Variants in FBF1 observed in about 807,000 individuals in gnomAD.
FBF1 encodes the protein Fas binding factor 1, also known as fas-binding factor 1.
A neutral mutation model predicts 147.2 loss-of-function variants in FBF1; 119 were observed. That is an observed-to-expected ratio of 0.81 (90% CI 0.70 to 0.94). The LOEUF is 0.94. FBF1 is among the 40% of genes least tolerant of loss of function. The probability of loss-of-function intolerance (pLI) is 0.00; values close to 1 mark genes in which losing one functional copy is unlikely to be tolerated. For synonymous variants in FBF1, 601 were observed against 609.0 expected, an observed-to-expected ratio of 0.99 and a Z score of 0.19; for missense variants, 1,449 against 1,500.8, an observed-to-expected ratio of 0.97 and a Z score of 0.57.
Position 75,914,890 on chromosome 17 carries a change from C to T in FBF1, c.2671G>A (p.Gly891Arg), listed in dbSNP as rs200319918. The T allele has an allele frequency of 5.6e-6, 9 of 1,612,234 alleles. No homozygotes were observed. The highest frequency in any genetic ancestry group is 5.5e-5 in the South Asian group (5 of 91,026). ...GCAGCCAGGCGCCGCCGCTCCTCCCCGCACTTGAGCATGACAGACTTCTGC... is the reference window on the plus strand; with the variant it reads ...GCAGCCAGGCGCCGCCGCTCCTCCCTGCACTTGAGCATGACAGACTTCTGC... ...EEQKSVMLKCGEERRRLAAEW... is the reference protein window; with the variant it reads ...EEQKSVMLKCREERRRLAAEW... The change falls in exon 25 of 30, where the codon GGG becomes AGG. Residue 891 changes from glycine (G) to arginine (R), a missense_variant. Coordinates refer to ENST00000636174, the MANE Select transcript of FBF1 (RefSeq NM_001319193.2).
rs1232148087 is a variant in FBF1 at position 75,925,406 on chromosome 17, T to A, written c.909A>T (p.Gly303=). 4.3e-6 allele frequency: 7 copies of A among 1,613,688 alleles called. No homozygotes were observed. Among genetic ancestry groups the A allele is most frequent in the Non-Finnish European group, 5.1e-6 (6 of 1,179,814 alleles). ...DMWGDEDFTF[G]AYQPTVVSSE... Reference sequence around the variant, plus strand: ...AGGAGACCACAGTGGGCTGATAGGCTCCAAAGGTGAAGTCCTCGTCACCCC... The same window carrying A: ...AGGAGACCACAGTGGGCTGATAGGCACCAAAGGTGAAGTCCTCGTCACCCC... The change falls in exon 13 of 30, where the codon GGA becomes GGT. Residue 303 remains glycine, a synonymous_variant. Coordinates refer to ENST00000636174, the MANE Select transcript of FBF1 (RefSeq NM_001319193.2). This position sits in a 1 kb window ranked among gnomAD's most constrained non-coding sequence, Gnocchi z 5.0.
rs1354505966 is a variant in FBF1, at chr17:75,909,846, C to A, written c.*877G>T. 4 of 692,370 alleles carry A rather than the reference C, an allele frequency of 5.8e-6. No individual in the cohort carries two copies. In the South Asian group the frequency reaches 6.0e-5, roughly 10 times the overall value. 42.9% of individuals were successfully genotyped at this position (692,370 alleles called of 1,614,324 possible). A position where few individuals can be genotyped will look rare whatever the true frequency, so the allele number is the denominator to read the frequency against. ...AGAAATAAGTATAAACTCCGATGAG[C>A]CATGGCAAAAGCAGTTTTTTTAAGC... On this transcript the variant is annotated 3_prime_UTR_variant, in exon 30 of 30. Transcript: ENST00000636174.
Position 75,933,094 on chromosome 17 carries a change from A to C in FBF1, c.74-6T>G. The stretch of plus-strand genomic sequence containing the variant: ...AGGCTTCTCAGGTAGTGTCACTGGA[A>C]AAAAAGAAAAGAGAAAACGTGTCAT... On this transcript the variant is annotated splice_polypyrimidine_tract_variant and splice_region_variant and intron_variant, in intron 4 of 29. Transcript: ENST00000636174. The C allele has an allele frequency of 1.3e-6, 2 of 1,596,116 alleles. No individual in the cohort carries two copies. The highest frequency in any genetic ancestry group is 2.2e-5 in the East Asian group (1 of 44,452).
rs2065472315 is a variant in FBF1, at chr17:75,914,009, G to A, written c.3033C>T (p.Arg1011=). 1 of 1,580,958 alleles carries A rather than the reference G, an allele frequency of 6.3e-7. No individual in the cohort carries two copies. The highest frequency in any genetic ancestry group is 8.5e-7 in the Non-Finnish European group (1 of 1,170,950). The change falls in exon 27 of 30, where the codon CGC becomes CGT. Residue 1011 remains arginine (R), a synonymous_variant. Coordinates refer to ENST00000636174, the MANE Select transcript of FBF1 (RefSeq NM_001319193.2). ...EKYEEGERAL[R]EAQQVQAEQQ... Reference sequence around the variant, plus strand: ...GCTCTGCCTGCACCTGCTGGGCCTCGCGCAATGCCCGCTCCCCCTCCTCGT... The same window carrying A: ...GCTCTGCCTGCACCTGCTGGGCCTCACGCAATGCCCGCTCCCCCTCCTCGT...
rs1221486992 is a variant in FBF1, at chr17:75,914,162, C to T, written c.2951G>A (p.Arg984His). ...EKERINATAL[R>H]VKLRAEEVES... The stretch of plus-strand genomic sequence containing the variant: ...CACCTCCTCGGCGCGGAGCTTGACA[C>T]GCAGGGCGGTGGCGTTGATCCTCTC... The change falls in exon 26 of 30, where the codon CGT becomes CAT. Residue 984 changes from arginine (R) to histidine (H), a missense_variant. Transcript: ENST00000636174. 3 of 1,601,038 alleles carry T rather than the reference C, an allele frequency of 1.9e-6. No homozygotes were observed. Among genetic ancestry groups the T allele is most frequent in the South Asian group, 2.3e-5 (2 of 88,714 alleles).
chr17:75,913,633 G>T lies in FBF1; in HGVS notation c.3247+69C>A, dbSNP rs969441395. The T allele has an allele frequency of 1.9e-5, 24 of 1,291,568 alleles. No homozygotes were observed. In the African/African-American group the frequency reaches 3.3e-4, roughly 18 times the overall value. The allele number at this position is 1,291,568 out of a possible 1,614,324, so 80.0% of individuals were successfully genotyped here. ...CCTTAACTGGAGCGGCTGGAGGAGG[G>T]CCTGCCCACTCCTAGCACTGCCCCT... On this transcript the variant is annotated intron_variant, in intron 28 of 29. Transcript: ENST00000636174.
At chr17:75,926,921 T>G in intron 9 of FBF1, 44 bp from the exon 10 acceptor site, 1 of 1,581,022 alleles carries the variant, frequency 6.3e-7, no homozygotes, top group Non-Finnish European at 8.6e-7. Flanking sequence ...CAGCACTTAG[T>G]TGAGGAAAAG....
chr17:75,923,750 T>C lies in FBF1; in HGVS notation c.969-109A>G. The stretch of plus-strand genomic sequence containing the variant: ...TGCCCAGGGACCCTGCACAGTCAGC[T>C]GAGGCCCAGTGAGCAGTGGCTCCTG... On this transcript the variant is annotated intron_variant, in intron 13 of 29. Transcript: ENST00000636174. The surrounding 1 kb of genome is among the most constrained non-coding windows in gnomAD (Gnocchi z 4.1). 1 of 1,103,088 alleles carries C rather than the reference T, an allele frequency of 9.1e-7. No individual in the cohort carries two copies. Among genetic ancestry groups the C allele is most frequent in the Non-Finnish European group, 1.3e-6 (1 of 790,692 alleles). 68.3% of individuals were successfully genotyped at this position (1,103,088 alleles called of 1,614,324 possible). A position where few individuals can be genotyped will look rare whatever the true frequency, so the allele number is the denominator to read the frequency against.
chr17:75,927,631 C>T, intron 8 of FBF1, 99 bp from the exon 9 acceptor site: 1 of 1,031,352 alleles, frequency 9.7e-7, no homozygotes, highest in Non-Finnish European at 1.5e-6. Context: ...GGGTGCACTT[C>T]TTCCTGGGAA....
chr17:75,911,697 G>A (rs2065457580), intron 29 of FBF1, among the ~76,000 whole-genome samples: 1 of 151,944 alleles, frequency 6.6e-6, no homozygotes, highest in Non-Finnish European at 1.5e-5. Flanking sequence ...TTTTTGTGGA[G>A]ACGAGGTCTC....
chr17:75,919,717 T>C lies in FBF1; in HGVS notation c.2089A>G (p.Ile697Val). The C allele has an allele frequency of 6.2e-7, 1 of 1,612,882 alleles. No individual in the cohort carries two copies. The highest frequency in any genetic ancestry group is 1.1e-5 in the South Asian group (1 of 91,036). ...ATTTCCTGGTCCTTCTCCTGCGCTA[T>C]GGCCGCCAAGCGCCGCTGGTGCTGG... is the stretch of plus-strand genomic sequence containing the variant. ...TAQHQRRLAA[I>V]AQEKDQEMER... Residue 697 changes from isoleucine to valine, a missense_variant, in exon 20 of 30, where the codon ATA (isoleucine) becomes GTA (valine). Ile to Val is a conservative substitution (Grantham distance 29). Transcript: ENST00000636174. The surrounding 1 kb of genome is among the most constrained non-coding windows in gnomAD (Gnocchi z 5.0).
rs978438880 is a variant in FBF1 at position 75,915,065 on chromosome 17, G to A, written c.2580C>T (p.Val860=). 1.9e-6 allele frequency: 3 copies of A among 1,613,402 alleles called. No individual in the cohort carries two copies. The highest frequency in any genetic ancestry group is 4.5e-5 in the East Asian group (2 of 44,884). ...TTTCCATGGCCATCTGCTGGGCCGT[G>A]ACCTTCCTTTGCTCCTCTAGGGCGC... ...MQRALEEQRK[V]TAQQMAMERA... Residue 860 remains valine (V), a synonymous_variant, in exon 24 of 30, where the codon GTC becomes GTT. Transcript: ENST00000636174.
chr17:75,913,738 G>A lies in FBF1; in HGVS notation c.3211C>T (p.Pro1071Ser), dbSNP rs2065469312. 3 of 1,601,458 alleles carry A rather than the reference G, an allele frequency of 1.9e-6. No homozygotes were observed. The highest frequency in any genetic ancestry group is 2.5e-6 in the Non-Finnish European group (3 of 1,179,308). ...DLPSSLVGLF[P>S]RAQGPAASSQ... ...GAGGCTGCAGGGCCCTGGGCCCTGG[G>A]GAACAGACCCACGAGGCTAGAGGGC... is the stretch of plus-strand genomic sequence containing the variant. Residue 1071 changes from proline (P) to serine (S), a missense_variant, in exon 28 of 30, where the codon CCC (proline) becomes TCC (serine). Pro to Ser is a moderately conservative substitution (Grantham distance 74). Coordinates refer to ENST00000636174, the MANE Select transcript of FBF1 (RefSeq NM_001319193.2).
rs1250855281 is a variant in FBF1, at chr17:75,922,470, C to T, written c.1425-424G>A. Among the ~76,000 whole-genome samples, 1 of 152,162 alleles carries T rather than the reference C, an allele frequency of 6.6e-6. No individual in the cohort carries two copies. The highest frequency in any genetic ancestry group is 1.9e-4 in the East Asian group (1 of 5,196). On this transcript the variant is annotated intron_variant, in intron 14 of 29. Transcript: ENST00000636174. This position sits in a 1 kb window ranked among gnomAD's most constrained non-coding sequence, Gnocchi z 5.0. ...GCTCACGGGTCAGTGAAGAGACAGG[C>T]TCTTTTCTGTTTTGGCCTGAGCTTT...
rs771482194 is a variant in FBF1 at position 75,927,492 on chromosome 17, G to C, written c.438C>G (p.Ser146Arg). Residue 146 changes from serine (S) to arginine (R), a missense_variant, in exon 9 of 30, where the codon AGC becomes AGG. By Grantham distance (110) the Ser-to-Arg change is moderately radical. Transcript: ENST00000636174. ...IPTKKSLPSP[S>R]SSGHQNRRFS... is the part of the protein sequence containing the mutation. ...ACCTCCTGTTCTGATGCCCAGAGCT[G>C]CTGGGAGACGGAAGTGACTTCTTGG... 9 of 1,604,278 alleles carry C rather than the reference G, an allele frequency of 5.6e-6. No individual in the cohort carries two copies. The highest frequency in any genetic ancestry group is 7.7e-6 in the Non-Finnish European group (9 of 1,175,606).
intron 16 of FBF1, 23 bp from the exon 17 acceptor site, chr17:75,921,325 A>G: frequency 1.3e-6 from 2 of 1,579,630 alleles, no homozygotes; most frequent in Non-Finnish European, 1.7e-6. Context: ...CAACAGAGAA[A>G]TGAACAGGAG....
At chr17:75,927,080 C>T (rs990650021) in intron 9 of FBF1, among the ~76,000 whole-genome samples, 3 of 152,124 alleles carry the variant, frequency 2.0e-5, no homozygotes, top group Admixed American at 6.5e-5. Context: ...AGTTGGAGGG[C>T]GGCCCTGGAC....
chr17:75,921,520 T>G lies in FBF1; in HGVS notation c.1567A>C (p.Thr523Pro). The change falls in exon 16 of 30, where the codon ACA becomes CCA. Residue 523 changes from threonine (T) to proline (P), a missense_variant. Coordinates refer to ENST00000636174, the MANE Select transcript of FBF1 (RefSeq NM_001319193.2). ...GCTGTTCCCCTCTTTGGGGAACCTG[T>G]AGGGAGTGCTGAGGCGGCATGGTTC... ...TQNHAASALP[T>P]GSPKRGTAPG... 1 of 1,613,054 alleles carries G rather than the reference T, an allele frequency of 6.2e-7. No homozygotes were observed. Among genetic ancestry groups the G allele is most frequent in the Non-Finnish European group, 8.5e-7 (1 of 1,179,632 alleles).
At chr17:75,935,547 C>G in intron 4 of FBF1, 85 bp downstream of exon 4, 4 of 1,388,552 alleles carry the variant, frequency 2.9e-6, no homozygotes, top group Non-Finnish European at 2.9e-6. Context: ...AGTCCAGAAG[C>G]TTGGGACCAG....
Sources: gnomAD v4.1 joint callset for allele counts (sites outside exome capture counted in the v4.1 genomes callset) on GRCh38, gnomAD v4.1.1 for gene constraint, Gnocchi (gnomAD v3.1) non-coding constraint, MANE v1.5 for transcripts, NCBI Gene and HGNC (gene_info 2026-07-23, HGNC 2026-07-21) for gene names.